Variants in CFDP1 observed in about 807,000 individuals in gnomAD.
The protein encoded by CFDP1 is heterochromatin-stabilizing protein CFDP1.
CFDP1 carries 31 observed loss-of-function variants against 40.1 expected under a neutral mutation model. That is an observed-to-expected ratio of 0.77 (90% CI 0.58 to 1.04). The LOEUF (loss-of-function observed/expected upper bound fraction) is 1.04. Ranked by LOEUF, CFDP1 falls within the 50% of genes least tolerant of loss-of-function variation. CFDP1 has a pLI of 0.00. For synonymous variants in CFDP1, 167 were observed against 120.0 expected, an observed-to-expected ratio of 1.39 and a Z score of -2.56; for missense variants, 423 against 343.4, an observed-to-expected ratio of 1.23 and a Z score of -1.83.
chr16:75,390,566 C>A (rs569374209), intron 5 of CFDP1, among the ~76,000 whole-genome samples: 2 of 152,322 alleles, frequency 1.3e-5, no homozygotes, highest in East Asian at 3.9e-4. Context: ...CTCTCTCTCT[C>A]CCCAGAGATA....
intron 1 of CFDP1, among the ~76,000 whole-genome samples, chr16:75,428,586 C>T (rs930237756): frequency 6.6e-6 from 1 of 151,296 alleles, no homozygotes; most frequent in Non-Finnish European, 1.5e-5. Flanking sequence ...CACTGCACTC[C>T]AGCCTGGGTG....
At chr16:75,329,582 A>G (rs1188983875) in intron 5 of CFDP1, among the ~76,000 whole-genome samples, 1 of 152,026 alleles carries the variant, frequency 6.6e-6, no homozygotes, top group East Asian at 1.9e-4. Flanking sequence ...AGCCTTGAAC[A>G]CCTGAGCTCA....
intron 5 of CFDP1, among the ~76,000 whole-genome samples, chr16:75,334,135 G>A (rs1163375724): frequency 2.0e-5 from 3 of 151,960 alleles, no homozygotes; most frequent in Non-Finnish European, 4.4e-5. Flanking sequence ...ATCTTCAAGG[G>A]CCAATCATTG....
chr16:75,354,558 TAGTCTCTC>T (rs1485452688), intron 5 of CFDP1, among the ~76,000 whole-genome samples: 1 of 152,234 alleles, frequency 6.6e-6, no homozygotes, highest in Non-Finnish European at 1.5e-5. Context: ...ATGGCACTGT[TAGTCTCTC>T]AGTTCTGACA....
chr16:75,356,101 C>G (rs995308301), intron 5 of CFDP1, among the ~76,000 whole-genome samples: 4 of 152,194 alleles, frequency 2.6e-5, no homozygotes, highest in Admixed American at 1.3e-4. Flanking sequence ...CACAAATGTT[C>G]TTAATGGCAT....
intron 5 of CFDP1, among the ~76,000 whole-genome samples, chr16:75,337,831 G>T (rs1410936947): frequency 6.6e-6 from 1 of 152,136 alleles, no homozygotes; most frequent in East Asian, 1.9e-4. Flanking sequence ...TTGGACAAGA[G>T]ATTTGGGCGG....
At chr16:75,405,100 A>G (rs1317325150) in intron 4 of CFDP1, among the ~76,000 whole-genome samples, 2 of 152,206 alleles carry the variant, frequency 1.3e-5, no homozygotes, top group East Asian at 1.9e-4. Flanking sequence ...AATACTCAAG[A>G]CATGAGCAGT....
intron 5 of CFDP1, among the ~76,000 whole-genome samples, chr16:75,335,771 T>C (rs898097464): frequency 2.0e-5 from 3 of 152,214 alleles, no homozygotes; most frequent in Non-Finnish European, 4.4e-5. Flanking sequence ...TTAGCCAGGA[T>C]GGTCTCGATC....
intron 5 of CFDP1, among the ~76,000 whole-genome samples, chr16:75,307,227 T>C (rs954334557): frequency 6.6e-6 from 1 of 151,980 alleles, no homozygotes; most frequent in Non-Finnish European, 1.5e-5. Flanking sequence ...TTTATTTTTA[T>C]TTTTTGAGAC....
intron 4 of CFDP1, among the ~76,000 whole-genome samples, chr16:75,403,414 T>G (rs2079071865): frequency 6.6e-6 from 1 of 152,142 alleles, no homozygotes; most frequent in South Asian, 2.1e-4. Flanking sequence ...AAATGGAGTT[T>G]CTCCATGTTG....
chr16:75,419,474 A>T (rs896843844), intron 1 of CFDP1, among the ~76,000 whole-genome samples: 1 of 152,206 alleles, frequency 6.6e-6, no homozygotes, highest in African/African-American at 2.4e-5. Flanking sequence ...TGACAGTAGT[A>T]GTTTAGGCAA....
chr16:75,334,532 T>C (rs780312506), intron 5 of CFDP1, among the ~76,000 whole-genome samples: 1 of 151,532 alleles, frequency 6.6e-6, no homozygotes, highest in Non-Finnish European at 1.5e-5. Context: ...AGGAGGTTTC[T>C]ATAAAGGAGG....
At chr16:75,432,322 G>C (rs2079430401) in intron 1 of CFDP1, among the ~76,000 whole-genome samples, 1 of 141,516 alleles carries the variant, frequency 7.1e-6, no homozygotes, top group South Asian at 2.3e-4. Context: ...GATCACTTGA[G>C]CCCACGAGTT....
At chr16:75,327,040 G>A (rs2078406798) in intron 5 of CFDP1, among the ~76,000 whole-genome samples, 1 of 152,200 alleles carries the variant, frequency 6.6e-6, no homozygotes, top group South Asian at 2.1e-4. Flanking sequence ...GGAGGCCGAG[G>A]CGGGCGGATC....
At chr16:75,412,038 T>C (rs1464263729) in intron 3 of CFDP1, 86 bp from the exon 4 acceptor site, 5 of 1,364,210 alleles carry the variant, frequency 3.7e-6, no homozygotes, top group Admixed American at 2.7e-5. Flanking sequence ...TTCTTTGAGA[T>C]AGCGTCTCAC....
At chr16:75,324,048 A>G (rs2078385680) in intron 5 of CFDP1, among the ~76,000 whole-genome samples, 1 of 152,222 alleles carries the variant, frequency 6.6e-6, no homozygotes, top group African/African-American at 2.4e-5. Flanking sequence ...CTTATCGTTG[A>G]GTGCCTTCAG....
At chr16:75,303,444 C>A (rs1199508218) in intron 6 of CFDP1, among the ~76,000 whole-genome samples, 2 of 81,018 alleles carry the variant, frequency 2.5e-5, no homozygotes, top group African/African-American at 6.7e-5. Flanking sequence ...GAAAAAAAAA[C>A]CATACTGGTC....
chr16:75,301,425 T>TGCAGG (rs1416515871), intron 6 of CFDP1, among the ~76,000 whole-genome samples: 1 of 151,960 alleles, frequency 6.6e-6, no homozygotes, highest in African/African-American at 2.4e-5. Context: ...GTATAATTCT[T>TGCAGG]CCCCAAAAAC....
intron 5 of CFDP1, among the ~76,000 whole-genome samples, chr16:75,306,876 A>C (rs543817184): frequency 7.6e-6 from 1 of 131,900 alleles, no homozygotes; most frequent in African/African-American, 3.4e-5. Context: ...TGTGCGCGTG[A>C]TCACACACAC....
Sources: allele counts gnomAD v4.1 joint callset (sites outside exome capture counted in the v4.1 genomes callset), GRCh38; gene constraint gnomAD v4.1.1; transcripts MANE v1.5; gene names NCBI Gene and HGNC (gene_info 2026-07-23, HGNC 2026-07-21).